DOCK9: variants seen among roughly 807,000 people sequenced by gnomAD.
The protein encoded by DOCK9 is dedicator of cytokinesis 9.
A neutral mutation model predicts 263.3 loss-of-function variants in DOCK9; 89 were observed. That is an observed-to-expected ratio of 0.34 (90% CI 0.28 to 0.40). The LOEUF (loss-of-function observed/expected upper bound fraction) is 0.40. Among genes scored for constraint, DOCK9 ranks in the 10% least tolerant of loss-of-function variants. DOCK9 has a pLI of 1.00. For synonymous variants in DOCK9, 976 were observed against 973.1 expected (o/e 1.00, Z -0.06); for missense variants, 2,140 against 2,603.4 (o/e 0.82, Z 3.87).
At chr13:98,937,173 C>T (rs1671238549) in intron 2 of DOCK9, among the ~76,000 whole-genome samples, 1 of 152,178 alleles carries the variant, frequency 6.6e-6, no homozygotes, top group African/African-American at 2.4e-5. Context: ...AAGCCATTTC[C>T]ATTCCGCTAA....
At chr13:98,988,287 G>T (rs896739273) in intron 1 of DOCK9, among the ~76,000 whole-genome samples, 1 of 152,134 alleles carries the variant, frequency 6.6e-6, no homozygotes, top group African/African-American at 2.4e-5. Context: ...CTATTTTAAT[G>T]AAATACTTAA....
At chr13:98,999,756 G>A (rs1881909337) in intron 1 of DOCK9, among the ~76,000 whole-genome samples, 1 of 152,186 alleles carries the variant, frequency 6.6e-6, no homozygotes, top group Non-Finnish European at 1.5e-5. Context: ...ACATGCATCT[G>A]CACAAACTAT....
At chr13:98,979,196 T>TAGC (rs1876278524), upstream of DOCK9, among the ~76,000 whole-genome samples, 1 of 124,514 alleles carries the variant, frequency 8.0e-6, no homozygotes, top group Non-Finnish European at 1.7e-5. Context: ...GTAGTAGTAG[T>TAGC]AGTAGTAGTA....
At chr13:98,914,527 G>A (rs1362445464) in intron 8 of DOCK9, 132 bp from the exon 9 acceptor site, 1 of 707,532 alleles carries the variant, frequency 1.4e-6, no homozygotes, top group Non-Finnish European at 2.4e-6. Flanking sequence ...ATGCTCCTGG[G>A]AAACACTTGG....
At chr13:98,913,634 C>T (rs1203678290) in intron 9 of DOCK9, among the ~76,000 whole-genome samples, 1 of 151,970 alleles carries the variant, frequency 6.6e-6, no homozygotes, top group Non-Finnish European at 1.5e-5. Context: ...TTTAATAGTG[C>T]TTGTTTCTGA....
At position 98,912,585 on chromosome 13, in the gene DOCK9, T is replaced by C. The variant is rs146613772; in HGVS notation, c.960+1743A>G. On this transcript the variant is annotated intron_variant, in intron 9 of 52. Transcript: ENST00000682017. ...ATACAATTATACTTATAAAAAAGTATATATACATAAATGTATACATTTATA... is the reference window on the plus strand; with the variant it reads ...ATACAATTATACTTATAAAAAAGTACATATACATAAATGTATACATTTATA... Among the ~76,000 whole-genome samples, 147 of 152,088 alleles carry C rather than the reference T, an allele frequency of 9.7e-4. 2 individuals are homozygous for C. Among genetic ancestry groups the C allele is most frequent in the Non-Finnish European group, 1.6e-3 (112 of 67,984 alleles).
chr13:98,933,682 T>C (rs1271843096), intron 2 of DOCK9, among the ~76,000 whole-genome samples: 1 of 152,256 alleles, frequency 6.6e-6, no homozygotes, highest in Non-Finnish European at 1.5e-5. Flanking sequence ...CGTGCATGTC[T>C]TGAACTACAC....
At chr13:99,070,543 C>A (rs2041624106) in intron 1 of DOCK9, among the ~76,000 whole-genome samples, 1 of 152,264 alleles carries the variant, frequency 6.6e-6, no homozygotes, top group Admixed American at 6.5e-5. Context: ...TTTAGCTTGC[C>A]CCCATAAATA....
At chr13:98,833,605 C>A (rs997433131) in intron 39 of DOCK9, among the ~76,000 whole-genome samples, 2 of 152,130 alleles carry the variant, frequency 1.3e-5, no homozygotes, top group Non-Finnish European at 2.9e-5. Flanking sequence ...AACTTGTTTG[C>A]AAGAATGGAG....
chr13:99,024,721 CTA>C (rs1199006713), intron 1 of DOCK9, among the ~76,000 whole-genome samples: 1 of 152,110 alleles, frequency 6.6e-6, no homozygotes, highest in East Asian at 1.9e-4. Context: ...TTTTTAAAAA[CTA>C]TTGCAATTTA....
chr13:98,927,621 A>AT (rs754451667), intron 3 of DOCK9, among the ~76,000 whole-genome samples: 10 of 55,702 alleles, frequency 1.8e-4, no homozygotes, highest in South Asian at 9.8e-4. Flanking sequence ...ATTTTTATTT[A>AT]TTTATTTATT....
At chr13:98,912,953 C>G (rs1339284640) in intron 9 of DOCK9, among the ~76,000 whole-genome samples, 1 of 152,158 alleles carries the variant, frequency 6.6e-6, no homozygotes, top group African/African-American at 2.4e-5. Context: ...AATCTCAATG[C>G]AAAATATGAT....
chr13:98,921,119 T>C (rs758520880), intron 6 of DOCK9, 31 bp from the exon 7 acceptor site: 5 of 1,573,728 alleles, frequency 3.2e-6, no homozygotes, highest in Non-Finnish European at 4.3e-6. Context: ...CAGCTATTCT[T>C]TCAAAATGAA....
chr13:99,010,222 A>C (rs994800155), intron 1 of DOCK9, among the ~76,000 whole-genome samples: 5 of 152,232 alleles, frequency 3.3e-5, no homozygotes. Flanking sequence ...ATTGGCAAAA[A>C]CAGAACATGT....
intron 15 of DOCK9, among the ~76,000 whole-genome samples, chr13:98,895,121 G>GA (rs1256125440): frequency 1.3e-5 from 2 of 148,162 alleles, no homozygotes; most frequent in Admixed American, 6.8e-5. Flanking sequence ...ACTCCAGCCT[G>GA]GCGACAGAGC....
chr13:98,904,716 A>T lies in DOCK9; in HGVS notation c.961-10T>A, dbSNP rs947866683. The T allele has an allele frequency of 6.5e-7, 1 of 1,546,926 alleles. No homozygotes were observed. The highest frequency in any genetic ancestry group is 1.4e-5 in the African/African-American group (1 of 72,996). On this transcript the variant is annotated splice_polypyrimidine_tract_variant and intron_variant, in intron 9 of 52. Coordinates refer to ENST00000682017, the MANE Select transcript of DOCK9 (RefSeq NM_001366683.2). ...CTGCTTCTCTTGCACTCTGATAACA[A>T]GATACATGAAAATTACATTTAACAC...
intron 2 of DOCK9, among the ~76,000 whole-genome samples, chr13:98,941,139 T>C (rs2055772937): frequency 6.6e-6 from 1 of 152,194 alleles, no homozygotes. Flanking sequence ...ACACGTACCA[T>C]TCTGCTAAGA....
chr13:98,997,861 G>A (rs142024440), intron 1 of DOCK9, among the ~76,000 whole-genome samples: 16 of 152,348 alleles, frequency 1.1e-4, no homozygotes, highest in African/African-American at 3.6e-4. Flanking sequence ...CGTAGCTAAC[G>A]AGAGGTCTGT....
chr13:98,888,004 A>C, intron 18 of DOCK9, 154 bp downstream of exon 18: 1 of 562,944 alleles, frequency 1.8e-6, no homozygotes, highest in Non-Finnish European at 3.1e-6. Flanking sequence ...GATAAGATTG[A>C]GTATATATGT....
Sources: gnomAD v4.1 joint callset for allele counts (sites outside exome capture counted in the v4.1 genomes callset) on GRCh38, gnomAD v4.1.1 for gene constraint, MANE v1.5 for transcripts, NCBI Gene and HGNC (gene_info 2026-07-23, HGNC 2026-07-21) for gene names.